GRM1: variants seen among roughly 807,000 people sequenced by gnomAD.
GRM1 encodes the protein metabotropic glutamate receptor 1.
GRM1 carries 33 observed loss-of-function variants against 90.9 expected under a neutral mutation model. The ratio of observed to expected loss-of-function variants is 0.36; its 90% CI spans 0.28 to 0.49. GRM1 has a LOEUF of 0.49. Ranked by LOEUF, GRM1 falls within the 20% of genes least tolerant of loss-of-function variation. The probability of loss-of-function intolerance (pLI) is 0.99; values close to 1 mark genes in which losing one functional copy is unlikely to be tolerated. For synonymous variants in GRM1, 700 were observed against 613.2 expected (o/e 1.14, Z -2.09); for missense variants, 1,190 against 1,534.3 (o/e 0.78, Z 3.75).
intron 7 of GRM1, among the ~76,000 whole-genome samples, chr6:146,425,845 T>C (rs2114673604): frequency 6.6e-6 from 1 of 152,276 alleles, no homozygotes; most frequent in South Asian, 2.1e-4. Context: ...CAACAAATGA[T>C]GGAAAGGCCG....
chr6:146,104,222 C>T (rs1353141691), intron 1 of GRM1, among the ~76,000 whole-genome samples: 1 of 152,088 alleles, frequency 6.6e-6, no homozygotes, highest in African/African-American at 2.4e-5. Flanking sequence ...GGGCGGATCA[C>T]GAGGTCAGGA....
chr6:146,156,559 G>A (rs9497462), intron 1 of GRM1, among the ~76,000 whole-genome samples: 4,908 of 152,290 alleles, frequency 0.032, 268 homozygotes, highest in African/African-American at 0.11. Flanking sequence ...GGTGTAATGT[G>A]CTCTAGCACT....
intron 1 of GRM1, among the ~76,000 whole-genome samples, chr6:146,110,184 T>A (rs1044413019): frequency 3.3e-5 from 5 of 152,130 alleles, no homozygotes; most frequent in African/African-American, 1.2e-4. Flanking sequence ...CAGAACGATA[T>A]GGTTTTGCTG....
intron 1 of GRM1, among the ~76,000 whole-genome samples, chr6:146,126,308 A>G (rs1168553824): frequency 3.3e-5 from 5 of 152,190 alleles, no homozygotes; most frequent in Non-Finnish European, 7.4e-5. Context: ...AAAAATATAA[A>G]GGAAAGAAAG....
chr6:146,130,104 G>C (rs1776339506), intron 1 of GRM1, among the ~76,000 whole-genome samples: 1 of 151,872 alleles, frequency 6.6e-6, no homozygotes, highest in Non-Finnish European at 1.5e-5. Flanking sequence ...GGAAGTCATG[G>C]GGAATTCTAC....
chr6:146,371,146 C>G (rs1170212619), intron 5 of GRM1, among the ~76,000 whole-genome samples: 1 of 151,960 alleles, frequency 6.6e-6, no homozygotes, highest in African/African-American at 2.4e-5. Context: ...AGGAAATAAA[C>G]ATGGCCTCTT....
rs566598857 is a variant in GRM1 at position 146,235,227 on chromosome 6, C to T, written c.951-69384C>T. On this transcript the variant is annotated intron_variant, in intron 2 of 7. Coordinates refer to ENST00000282753, the MANE Select transcript of GRM1 (RefSeq NM_001278064.2). ...CTCACTTGACCATTTTTTTGTCTTT[C>T]GACAGTTTAAAGATGTCACTCTATT... 1.4e-4 allele frequency among the ~76,000 whole-genome samples: 22 copies of T among 151,902 alleles called. No homozygotes were observed. The South Asian group carries it at 2.1e-3, about 14-fold the overall frequency.
At chr6:146,237,892 C>T (rs1446862347) in intron 2 of GRM1, among the ~76,000 whole-genome samples, 3 of 152,176 alleles carry the variant, frequency 2.0e-5, no homozygotes, top group African/African-American at 7.2e-5. Context: ...ATGTAGCCAG[C>T]TATGCTGGGT....
At chr6:146,262,319 G>A (rs1211095799) in intron 2 of GRM1, among the ~76,000 whole-genome samples, 2 of 151,838 alleles carry the variant, frequency 1.3e-5, no homozygotes, top group Non-Finnish European at 2.9e-5. Flanking sequence ...AAACATATTC[G>A]CCATCTGACT....
chr6:146,255,920 A>T (rs1239236971), intron 2 of GRM1, among the ~76,000 whole-genome samples: 1 of 152,140 alleles, frequency 6.6e-6, no homozygotes, highest in Non-Finnish European at 1.5e-5. Flanking sequence ...GTCTCTCATG[A>T]CAATATCCAA....
At chr6:146,400,937 T>G (rs942113367) in intron 7 of GRM1, among the ~76,000 whole-genome samples, 3 of 152,128 alleles carry the variant, frequency 2.0e-5, no homozygotes, top group Non-Finnish European at 1.5e-5. Flanking sequence ...ATTATTTTCT[T>G]AATCCCAAAT....
intron 6 of GRM1, among the ~76,000 whole-genome samples, chr6:146,391,524 G>A (rs1170285445): frequency 6.6e-6 from 1 of 151,790 alleles, no homozygotes; most frequent in Non-Finnish European, 1.5e-5. Context: ...CTAGTTTTGG[G>A]ATAAACAAAC....
chr6:146,325,602 A>G (rs1392787609), intron 3 of GRM1, among the ~76,000 whole-genome samples: 1 of 152,222 alleles, frequency 6.6e-6, no homozygotes, highest in Non-Finnish European at 1.5e-5. Flanking sequence ...GGTTAAGGAA[A>G]CATTGTTATG....
intron 1 of GRM1, among the ~76,000 whole-genome samples, chr6:146,039,111 A>G (rs1248863358): frequency 6.6e-6 from 1 of 151,968 alleles, no homozygotes; most frequent in Non-Finnish European, 1.5e-5. Context: ...GAGATAGTGG[A>G]ATTATAGTCT....
intron 1 of GRM1, among the ~76,000 whole-genome samples, chr6:146,032,138 A>G (rs1157638923): frequency 6.6e-6 from 1 of 152,202 alleles, no homozygotes; most frequent in Non-Finnish European, 1.5e-5. Flanking sequence ...GACTAATATT[A>G]TAATTTTGCC....
intron 3 of GRM1, among the ~76,000 whole-genome samples, chr6:146,346,403 C>T (rs1785192520): frequency 6.6e-6 from 1 of 152,176 alleles, no homozygotes; most frequent in South Asian, 2.1e-4. Flanking sequence ...CTCTTCTATC[C>T]TACATAGCAG....
intron 3 of GRM1, chr6:146,340,366 G>C (rs1784925208): frequency 6.6e-6 from 1 of 152,116 alleles, no homozygotes. Flanking sequence ...CTTGTTGAAG[G>C]GTAATCTCTG....
intron 5 of GRM1, among the ~76,000 whole-genome samples, chr6:146,362,508 T>C (rs1195842163): frequency 1.3e-5 from 2 of 151,720 alleles, no homozygotes; most frequent in Non-Finnish European, 2.9e-5. Context: ...TGAAACCCCA[T>C]CTCTACTAAA....
chr6:146,424,839 G>T (rs576589266), intron 7 of GRM1, among the ~76,000 whole-genome samples: 3 of 152,208 alleles, frequency 2.0e-5, no homozygotes, highest in Non-Finnish European at 4.4e-5. Flanking sequence ...AAATAAAGTT[G>T]CTTGAATATC....
Sources: gnomAD v4.1 joint callset for allele counts (sites outside exome capture counted in the v4.1 genomes callset) on GRCh38, gnomAD v4.1.1 for gene constraint, MANE v1.5 for transcripts, NCBI Gene and HGNC (gene_info 2026-07-23, HGNC 2026-07-21) for gene names.